NUP205: variants seen among roughly 807,000 people sequenced by gnomAD.
NUP205 encodes nucleoporin 205.
NUP205 carries 76 observed loss-of-function variants against 253.8 expected under a neutral mutation model. The ratio of observed to expected loss-of-function variants is 0.30; its 90% CI spans 0.25 to 0.36. The LOEUF (loss-of-function observed/expected upper bound fraction) is 0.36, where lower values mean the gene tolerates loss of function less well. Ranked by LOEUF, NUP205 falls within the 10% of genes least tolerant of loss-of-function variation. NUP205 has a pLI of 1.00. For synonymous variants in NUP205, 832 were observed against 850.1 expected, an observed-to-expected ratio of 0.98 and a Z score of 0.37; for missense variants, 2,162 against 2,425.5, an observed-to-expected ratio of 0.89 and a Z score of 2.28.
rs1398148189 is a variant in NUP205, at chr7:135,597,278, G to A, written c.2014-90G>A. 6 of 846,976 alleles carry A rather than the reference G, an allele frequency of 7.1e-6. No homozygotes were observed. The Admixed American group carries it at 1.1e-4, about 16-fold the overall frequency. 52.5% of individuals were successfully genotyped at this position (846,976 alleles called of 1,614,324 possible). A position where few individuals can be genotyped will look rare whatever the true frequency, so the allele number is the denominator to read the frequency against. The stretch of plus-strand genomic sequence containing the variant: ...CATTGTGAGATCTGTGGGTCCAGTG[G>A]GTGAGGTATGTGACTATTATATTGC... On this transcript the variant is annotated intron_variant, in intron 13 of 42. Coordinates refer to ENST00000285968, the MANE Select transcript of NUP205 (RefSeq NM_015135.3).
chr7:135,629,230 A>G (rs531081485), intron 34 of NUP205, among the ~76,000 whole-genome samples: 3 of 152,370 alleles, frequency 2.0e-5, no homozygotes, highest in African/African-American at 7.2e-5. Flanking sequence ...GCTAGTTGAG[A>G]TATTCCTAAG....
At chr7:135,597,234 T>G (rs1368104384) in intron 13 of NUP205, 134 bp from the exon 14 acceptor site, 1 of 589,958 alleles carries the variant, frequency 1.7e-6, no homozygotes, top group East Asian at 2.8e-5. Context: ...AGGGACTAAT[T>G]GATTGTCATT....
chr7:135,579,095 A>G (rs1453309640), intron 7 of NUP205, among the ~76,000 whole-genome samples, 180 bp downstream of exon 7: 2 of 152,228 alleles, frequency 1.3e-5, no homozygotes, highest in Admixed American at 6.5e-5. Flanking sequence ...TTGTCTCTCA[A>G]AAATATCATA....
intron 39 of NUP205, 136 bp downstream of exon 39, chr7:135,643,494 A>G (rs1394648828): frequency 3.0e-6 from 2 of 676,646 alleles, no homozygotes; most frequent in East Asian, 5.5e-5. Flanking sequence ...GATTTGAAGA[A>G]GACTCCTTCG....
chr7:135,559,518 G>C (rs1805521950), intron 1 of NUP205, among the ~76,000 whole-genome samples: 1 of 150,632 alleles, frequency 6.6e-6, no homozygotes, highest in Admixed American at 6.6e-5. Flanking sequence ...TTACAGGCAT[G>C]TGCCACCACG....
At chr7:135,618,377 T>A in intron 27 of NUP205, 35 bp from the exon 28 acceptor site, 1 of 1,566,662 alleles carries the variant, frequency 6.4e-7, no homozygotes. Flanking sequence ...CTTATTTGCC[T>A]GTTTAACCTT....
At chr7:135,636,624 A>G (rs539777323) in intron 36 of NUP205, among the ~76,000 whole-genome samples, 5 of 152,334 alleles carry the variant, frequency 3.3e-5, no homozygotes, top group African/African-American at 1.2e-4. Flanking sequence ...GAAGCGGCAA[A>G]CACACATTTA....
intron 38 of NUP205, among the ~76,000 whole-genome samples, chr7:135,639,655 C>T (rs1236032025): frequency 6.7e-6 from 1 of 148,950 alleles, no homozygotes; most frequent in African/African-American, 2.5e-5. Flanking sequence ...CACACCACTG[C>T]ACTACAGCCT....
chr7:135,570,278 A>G (rs1805920292), intron 1 of NUP205, among the ~76,000 whole-genome samples: 1 of 151,874 alleles, frequency 6.6e-6, no homozygotes, highest in Non-Finnish European at 1.5e-5. Context: ...CAGTGGCACG[A>G]TCCTGGCTCA....
Position 135,617,074 on chromosome 7 carries a change from T to C in NUP205, c.3533-16T>C, listed in dbSNP as rs956733895. On this transcript the variant is annotated splice_polypyrimidine_tract_variant and intron_variant, in intron 25 of 42. Transcript: ENST00000285968. ...AATGTCCCAAGTAAAATCAAATTAC[T>C]TTTTATTATTTCTAGTACGTCGAAA... 6.3e-7 allele frequency: 1 copy of C among 1,584,670 alleles called. No individual in the cohort carries two copies. The highest frequency in any genetic ancestry group is 1.4e-5 in the African/African-American group (1 of 73,230).
chr7:135,590,434 C>T (rs1167487029), intron 10 of NUP205, among the ~76,000 whole-genome samples: 1 of 151,804 alleles, frequency 6.6e-6, no homozygotes, highest in Non-Finnish European at 1.5e-5. Flanking sequence ...TTTTTACTTT[C>T]GTTTTATTTT....
chr7:135,627,070 T>C (rs1041754272), intron 33 of NUP205, among the ~76,000 whole-genome samples: 2 of 152,198 alleles, frequency 1.3e-5, no homozygotes, highest in African/African-American at 4.8e-5. Context: ...GTTATTACTT[T>C]CACCTTAGGT....
intron 3 of NUP205, among the ~76,000 whole-genome samples, chr7:135,574,705 G>T (rs746498152): frequency 6.6e-6 from 1 of 152,164 alleles, no homozygotes; most frequent in African/African-American, 2.4e-5. Context: ...ATAGAAAGTT[G>T]TTGATGAGGG....
At position 135,638,678 on chromosome 7, in the gene NUP205, G is replaced by A. The variant is rs759831224; in HGVS notation, c.5387G>A (p.Arg1796Gln). 13 of 1,613,942 alleles carry A rather than the reference G, an allele frequency of 8.1e-6. No individual in the cohort carries two copies. In the South Asian group the frequency reaches 9.9e-5, roughly 12 times the overall value. Reference sequence around the variant, plus strand: ...GAAACAGTTAATAGAGATGGACCGCGGCAAGGTGAGCTTAGTTTTTCATTC... The same window carrying A: ...GAAACAGTTAATAGAGATGGACCGCAGCAAGGTGAGCTTAGTTTTTCATTC... ...LSETVNRDGP[R>Q]QDTQAPVVPY... Residue 1796 changes from arginine (R) to glutamine (Q), a missense_variant, in exon 38 of 43, where the codon CGG becomes CAG. Around this residue, in one of 5 missense-constraint regions of NUP205, gnomAD observed 1,144 missense variants for 1,280.9 expected, o/e 0.89. Coordinates refer to ENST00000285968, the MANE Select transcript of NUP205 (RefSeq NM_015135.3).
chr7:135,591,041 C>G (rs1584656858), intron 10 of NUP205, among the ~76,000 whole-genome samples: 1 of 152,064 alleles, frequency 6.6e-6, no homozygotes, highest in South Asian at 2.1e-4. Context: ...ACAGAATATG[C>G]TTAAGTTACC....
intron 8 of NUP205, among the ~76,000 whole-genome samples, chr7:135,587,320 C>T (rs1223525503): frequency 1.3e-5 from 2 of 151,994 alleles, no homozygotes; most frequent in South Asian, 2.1e-4. Flanking sequence ...AGTAATGTCC[C>T]CACTGAGAAA....
intron 32 of NUP205, 97 bp downstream of exon 32, chr7:135,625,452 T>G: frequency 1.1e-6 from 1 of 942,644 alleles, no homozygotes; most frequent in Middle Eastern, 3.1e-4. Context: ...ATTCTGAATA[T>G]TTCTATCATA....
intron 1 of NUP205, among the ~76,000 whole-genome samples, chr7:135,566,977 G>T (rs1805779022): frequency 6.6e-6 from 1 of 151,164 alleles, no homozygotes; most frequent in Non-Finnish European, 1.5e-5. Context: ...CTGACCTCGT[G>T]ATCGGCCCAC....
chr7:135,564,539 C>T lies in NUP205; in HGVS notation c.29-6566C>T, dbSNP rs1237080534. Among the ~76,000 whole-genome samples, 6 of 151,460 alleles carry T rather than the reference C, an allele frequency of 4.0e-5. No homozygotes were observed. The East Asian group carries it at 7.8e-4, about 20-fold the overall frequency. On this transcript the variant is annotated intron_variant, in intron 1 of 42. Coordinates refer to ENST00000285968, the MANE Select transcript of NUP205 (RefSeq NM_015135.3). ...GCTGGATTACAGGCATGAGTCACCA[C>T]GCCCGGCCTGTTTTTTTTTTAAATA...
Sources: allele counts gnomAD v4.1 joint callset (sites outside exome capture counted in the v4.1 genomes callset), GRCh38; gene constraint gnomAD v4.1.1; regional missense constraint gnomAD v4.1.1; transcripts MANE v1.5; gene names NCBI Gene and HGNC (gene_info 2026-07-23, HGNC 2026-07-21).